Variants in PPWD1 observed in about 807,000 individuals in gnomAD.
PPWD1 encodes the protein peptidylprolyl isomerase domain and WD repeat containing 1, also known as peptidylprolyl isomerase domain and WD repeat-containing protein 1.
A neutral mutation model predicts 68.8 loss-of-function variants in PPWD1; 43 were observed. That is an observed-to-expected ratio of 0.62 (90% CI 0.49 to 0.81). The LOEUF (loss-of-function observed/expected upper bound fraction) is 0.81, where lower values mean the gene tolerates loss of function less well. PPWD1 is among the 30% of genes least tolerant of loss of function. The pLI is 0.00. For missense variants in PPWD1, 672 were observed against 804.8 expected (o/e 0.83, Z 2.00); for synonymous variants, 232 against 258.7 (o/e 0.90, Z 0.99).
At chr5:65,574,908 A>G (rs73762031) in intron 5 of PPWD1, among the ~76,000 whole-genome samples, 2,534 of 152,364 alleles carry the variant, frequency 0.017, 59 homozygotes, top group African/African-American at 0.058. Context: ...ATTCAGAATG[A>G]GAGTTTGCCA....
chr5:65,564,787 T>G (rs1752634945), intron 1 of PPWD1, among the ~76,000 whole-genome samples: 1 of 152,198 alleles, frequency 6.6e-6, no homozygotes, highest in African/African-American at 2.4e-5. Flanking sequence ...GTACTTTTTT[T>G]TCCTCTGGAT....
At position 65,571,822 on chromosome 5, in the gene PPWD1, A is replaced by G. The variant is rs772563990; in HGVS notation, c.522-17A>G. ...TGCTGACCTTTTTTTTTCCCTCTCA[A>G]TTCTTTACGATTTTAGCTATTTTCC... On this transcript the variant is annotated splice_polypyrimidine_tract_variant and intron_variant, in intron 4 of 10. Coordinates refer to ENST00000261308, the MANE Select transcript of PPWD1 (RefSeq NM_015342.4). 21 of 1,606,434 alleles carry G rather than the reference A, an allele frequency of 1.3e-5. No individual in the cohort carries two copies. The highest frequency in any genetic ancestry group is 2.2e-5 in the East Asian group (1 of 44,790).
intron 2 of PPWD1, chr5:65,569,057 A>C (rs1752896617): frequency 4.4e-6 from 2 of 455,078 alleles, no homozygotes; most frequent in Non-Finnish European, 8.8e-6. Context: ...AAATACGTAG[A>C]GTTGCTGTAA....
chr5:65,587,089 T>C (rs1001411560), intron 10 of PPWD1, 164 bp from the exon 11 acceptor site: 4 of 454,830 alleles, frequency 8.8e-6, no homozygotes, highest in South Asian at 9.4e-5. Flanking sequence ...GGAAATAACT[T>C]TTAAAAGCTG....
chr5:65,579,628 T>G lies in PPWD1; in HGVS notation c.1350+15T>G, dbSNP rs756730586. On this transcript the variant is annotated intron_variant, in intron 7 of 10. Transcript: ENST00000261308. ...GATTTTATATGGTATGTGTAAGTACTAGGAGATTAGACGGTAATGTTCCTT... is the reference window on the plus strand; with the variant it reads ...GATTTTATATGGTATGTGTAAGTACGAGGAGATTAGACGGTAATGTTCCTT... 1.4e-6 allele frequency: 2 copies of G among 1,469,884 alleles called. No homozygotes were observed. The highest frequency in any genetic ancestry group is 4.8e-5 in the Admixed American group (2 of 41,564). 91.1% of individuals were successfully genotyped at this position (1,469,884 alleles called of 1,614,324 possible). A position where few individuals can be genotyped will look rare whatever the true frequency, so the allele number is the denominator to read the frequency against.
intron 9 of PPWD1, among the ~76,000 whole-genome samples, 159 bp downstream of exon 9, chr5:65,585,254 A>G (rs905452376): frequency 6.6e-5 from 10 of 152,210 alleles, no homozygotes; most frequent in African/African-American, 2.2e-4. Flanking sequence ...GATGGTCATA[A>G]ATATCAACAT....
Position 65,571,854 on chromosome 5 carries a change from G to A in PPWD1, c.537G>A (p.Gln179=), listed in dbSNP as rs772912916. ...ACGATTTTAGCTATTTTCCTGGACAGTGTGAGTGGATCTATTGCCCAGGGG... is the reference window on the plus strand; with the variant it reads ...ACGATTTTAGCTATTTTCCTGGACAATGTGAGTGGATCTATTGCCCAGGGG... ...NMLKLGYFPG[Q]CEWIYCPGDA... is the part of the protein sequence containing the mutation. The change falls in exon 5 of 11, where the codon CAG becomes CAA. Residue 179 remains glutamine (Q), a synonymous_variant. Coordinates refer to ENST00000261308, the MANE Select transcript of PPWD1 (RefSeq NM_015342.4). The A allele has an allele frequency of 6.2e-7, 1 of 1,613,730 alleles. No homozygotes were observed. The highest frequency in any genetic ancestry group is 2.2e-5 in the East Asian group (1 of 44,868).
chr5:65,581,503 T>C lies in PPWD1; in HGVS notation c.1351-1535T>C, dbSNP rs1753592972. Among the ~76,000 whole-genome samples, 6 of 152,152 alleles carry C rather than the reference T, an allele frequency of 3.9e-5. No individual in the cohort carries two copies. In the South Asian group the frequency reaches 1.2e-3, roughly 31 times the overall value. ...CTGGAAGCTGATGTGGTAGGATCTC[T>C]TGAGCCAACGAATTCAAGGTTGCAG... On this transcript the variant is annotated intron_variant, in intron 7 of 10. Transcript: ENST00000261308.
chr5:65,569,721 G>A lies in PPWD1; in HGVS notation c.389G>A (p.Arg130His), dbSNP rs996912801. ...EEGIEFVKHF[R>H]SHLGVIESIA... ...GGAATTGAATTTGTTAAACATTTTCGTAGTCACCTGGGTAAGAATTGCACC... is the reference window on the plus strand; with the variant it reads ...GGAATTGAATTTGTTAAACATTTTCATAGTCACCTGGGTAAGAATTGCACC... The change falls in exon 3 of 11, where the codon CGT becomes CAT. Residue 130 changes from arginine to histidine, a missense_variant. Arg to His is a conservative substitution (Grantham distance 29). This residue lies in a region of PPWD1 where 484 missense variants were observed against 646.2 expected (regional missense o/e 0.75). Coordinates refer to ENST00000261308, the MANE Select transcript of PPWD1 (RefSeq NM_015342.4). 2.9e-5 allele frequency: 47 copies of A among 1,609,126 alleles called. No individual in the cohort carries two copies. The highest frequency in any genetic ancestry group is 4.0e-5 in the African/African-American group (3 of 74,770).
intron 2 of PPWD1, chr5:65,567,951 C>G (rs926131988): frequency 1.7e-5 from 3 of 174,112 alleles, no homozygotes; most frequent in African/African-American, 7.1e-5. Flanking sequence ...AAAATGTGGG[C>G]TAACATACCC....
chr5:65,571,837 A>T lies in PPWD1; in HGVS notation c.522-2A>T. ...TTCCCTCTCAATTCTTTACGATTTT[A>T]GCTATTTTCCTGGACAGTGTGAGTG... On this transcript the variant is annotated splice_acceptor_variant, in intron 4 of 10. Coordinates refer to ENST00000261308, the MANE Select transcript of PPWD1 (RefSeq NM_015342.4). LOFTEE classifies it high-confidence loss of function. 6.2e-7 allele frequency: 1 copy of T among 1,609,098 alleles called. No individual in the cohort carries two copies. Among genetic ancestry groups the T allele is most frequent in the East Asian group, 2.2e-5 (1 of 44,784 alleles).
rs777881593 is a variant in PPWD1 at position 65,569,963 on chromosome 5, A to G, written c.486A>G (p.Val162=). ...GDDKAMKVFD[V]VNFDMINMLK... ...ATAAAGCAATGAAGGTGTTTGATGT[A>G]GTGAACTTTGACATGATCAACATGC... The change falls in exon 4 of 11, where the codon GTA becomes GTG. Residue 162 remains valine, a synonymous_variant. Coordinates refer to ENST00000261308, the MANE Select transcript of PPWD1 (RefSeq NM_015342.4). 2 of 1,612,176 alleles carry G rather than the reference A, an allele frequency of 1.2e-6. No individual in the cohort carries two copies. The highest frequency in any genetic ancestry group is 2.7e-5 in the African/African-American group (2 of 74,866).
chr5:65,573,230 G>A (rs1292476415), intron 5 of PPWD1, among the ~76,000 whole-genome samples: 2 of 151,798 alleles, frequency 1.3e-5, no homozygotes, highest in Non-Finnish European at 2.9e-5. Flanking sequence ...AATTTCAAAT[G>A]AAGAGTCACT....
rs1034827555 is a variant in PPWD1 at position 65,583,160 on chromosome 5, G to A, written c.1473G>A (p.Ser491=). Reference sequence around the variant, plus strand: ...AAGCTGAAGGACCTAAACGAGTTTCGGACAGTGCCATTATCCACACCAGCA... The same window carrying A: ...AAGCTGAAGGACCTAAACGAGTTTCAGACAGTGCCATTATCCACACCAGCA... ...ATQAEGPKRV[S]DSAIIHTSMG... is the part of the protein sequence containing the mutation. Residue 491 remains serine (S), a synonymous_variant, in exon 8 of 11, where the codon TCG becomes TCA. Coordinates refer to ENST00000261308, the MANE Select transcript of PPWD1 (RefSeq NM_015342.4). 7 of 1,612,944 alleles carry A rather than the reference G, an allele frequency of 4.3e-6. No individual in the cohort carries two copies. In the Admixed American group the frequency reaches 5.0e-5, roughly 12 times the overall value.
At chr5:65,577,901 T>C (rs910026895) in intron 6 of PPWD1, among the ~76,000 whole-genome samples, 5 of 152,240 alleles carry the variant, frequency 3.3e-5, no homozygotes, top group African/African-American at 1.2e-4. Flanking sequence ...GTCCATAGTT[T>C]ACATTAGGGT....
At chr5:65,586,252 A>C (rs558362426) in intron 10 of PPWD1, 71 bp downstream of exon 10, 2 of 1,396,616 alleles carry the variant, frequency 1.4e-6, no homozygotes, top group African/African-American at 1.4e-5. Flanking sequence ...ACTCAGTAGA[A>C]GAGCTGCATT....
At chr5:65,580,878 CT>C (rs1753563868) in intron 7 of PPWD1, among the ~76,000 whole-genome samples, 1 of 152,146 alleles carries the variant, frequency 6.6e-6, no homozygotes, top group African/African-American at 2.4e-5. Flanking sequence ...TATGCTTCCC[CT>C]GTCATATGAT....
At chr5:65,566,475 T>C (rs1343793467) in intron 1 of PPWD1, among the ~76,000 whole-genome samples, 1 of 151,564 alleles carries the variant, frequency 6.6e-6, no homozygotes, top group African/African-American at 2.4e-5. Flanking sequence ...CATTAGCATA[T>C]GGTTAAACCT....
chr5:65,576,418 C>A (rs1294277183), intron 5 of PPWD1: 17 of 888,464 alleles, frequency 1.9e-5, no homozygotes, highest in Non-Finnish European at 2.2e-5. Flanking sequence ...ACTCTGTCCC[C>A]CAGGCCAGAG....
Sources: gnomAD v4.1 joint callset for allele counts (sites outside exome capture counted in the v4.1 genomes callset) on GRCh38, gnomAD v4.1.1 for gene constraint, gnomAD v4.1.1 regional missense constraint, MANE v1.5 for transcripts, NCBI Gene and HGNC (gene_info 2026-07-23, HGNC 2026-07-21) for gene names.